The following SVIL variants were observed in gnomAD, a reference collection of about 807,000 sequenced individuals.
The protein encoded by SVIL is supervillin.
Under a neutral mutation model 240.4 loss-of-function variants are expected in SVIL, and 101 were observed. The observed-to-expected ratio is 0.42, with a 90% CI of 0.36 to 0.50. SVIL has a LOEUF of 0.50. Among genes scored for constraint, SVIL ranks in the 20% least tolerant of loss-of-function variants. The pLI, the probability that SVIL is intolerant of heterozygous loss-of-function variation, is 0.01. For missense variants in SVIL, 2,512 were observed against 2,818.7 expected (o/e 0.89, Z 2.46); for synonymous variants, 999 against 1,100.0 (o/e 0.91, Z 1.82).
At position 29,550,909 on chromosome 10, in the gene SVIL, G is replaced by A. The variant is rs755613062; in HGVS notation, c.515C>T (p.Thr172Met). ...DASSLYPGTE[T>M]MGLRTCAGES... ...ACCGGCACAGGTCCTGAGCCCCATC[G>A]TCTCGGTCCCGGGGTACAGAGAACT... Residue 172 changes from threonine to methionine, a missense_variant, in exon 6 of 38, where the codon ACG (threonine) becomes ATG (methionine). Coordinates refer to ENST00000355867, the MANE Select transcript of SVIL (RefSeq NM_021738.3). 35 of 1,614,040 alleles carry A rather than the reference G, an allele frequency of 2.2e-5. No homozygotes were observed. The highest frequency in any genetic ancestry group is 9.3e-5 in the African/African-American group (7 of 74,992).
chr10:29,519,494 C>T (rs2132518327), intron 16 of SVIL, among the ~76,000 whole-genome samples: 1 of 152,254 alleles, frequency 6.6e-6, no homozygotes, highest in Admixed American at 6.5e-5. Context: ...GAATAACATT[C>T]TTATTTTAAA....
At chr10:29,621,089 C>T (rs550005444) in intron 1 of SVIL, among the ~76,000 whole-genome samples, 1 of 152,040 alleles carries the variant, frequency 6.6e-6, no homozygotes, top group Non-Finnish European at 1.5e-5. Context: ...CAGGTGCACG[C>T]CCCACCCATC....
chr10:29,570,949 C>T (rs767695302), intron 1 of SVIL, among the ~76,000 whole-genome samples: 1 of 152,204 alleles, frequency 6.6e-6, no homozygotes, highest in Non-Finnish European at 1.5e-5. Context: ...AAGTGCATTT[C>T]GTATTTATCT....
chr10:29,494,770 AT>A (rs1948276489), intron 20 of SVIL, 143 bp downstream of exon 20: 10 of 771,200 alleles, frequency 1.3e-5, no homozygotes, highest in Non-Finnish European at 2.1e-5. Flanking sequence ...GGAGTCCCCA[AT>A]TTAGTACGTT....
chr10:29,554,526 C>T (rs1431315004), intron 5 of SVIL, among the ~76,000 whole-genome samples: 1 of 151,862 alleles, frequency 6.6e-6, no homozygotes, highest in Non-Finnish European at 1.5e-5. Context: ...TGGTGTAAGC[C>T]TGTAGTCCCA....
chr10:29,494,976 T>C lies in SVIL; in HGVS notation c.3779A>G (p.Gln1260Arg). Reference protein sequence around the residue: ...LEDIEARPDMQLESDLKLDRL... With the variant: ...LEDIEARPDMRLESDLKLDRL... The stretch of plus-strand genomic sequence containing the variant: ...GTCCAACTTCAGGTCCGATTCTAAC[T>C]GCATATCTGGTCTGGCTTCGATATC... The change falls in exon 20 of 38, where the codon CAG becomes CGG. Residue 1260 changes from glutamine (Q) to arginine (R), a missense_variant. Coordinates refer to ENST00000355867, the MANE Select transcript of SVIL (RefSeq NM_021738.3). 1 of 1,613,968 alleles carries C rather than the reference T, an allele frequency of 6.2e-7. No individual in the cohort carries two copies.
chr10:29,700,881 T>C (rs976334471), intron 1 of SVIL, among the ~76,000 whole-genome samples: 3 of 152,138 alleles, frequency 2.0e-5, no homozygotes, highest in African/African-American at 7.2e-5. Context: ...AAAAACAAGC[T>C]TGAGAAGCAC....
intron 1 of SVIL, among the ~76,000 whole-genome samples, chr10:29,729,562 G>A (rs1435043118): frequency 1.3e-5 from 2 of 151,066 alleles, no homozygotes; most frequent in Non-Finnish European, 2.9e-5. Flanking sequence ...TTGGCCGGGT[G>A]CGGTGGCTCA....
chr10:29,594,272 A>T (rs1020567579), intron 1 of SVIL, among the ~76,000 whole-genome samples: 1 of 82,898 alleles, frequency 1.2e-5, no homozygotes, highest in African/African-American at 5.0e-5. Flanking sequence ...AATAAAAAAA[A>T]ATTCTAAGAT....
chr10:29,704,695 T>C (rs1962768025), intron 1 of SVIL, among the ~76,000 whole-genome samples: 1 of 152,156 alleles, frequency 6.6e-6, no homozygotes. Flanking sequence ...ACCACGATCA[T>C]CATTTATTGG....
At chr10:29,681,476 A>G (rs1960649812) in intron 2 of SVIL, among the ~76,000 whole-genome samples, 1 of 146,858 alleles carries the variant, frequency 6.8e-6, no homozygotes, top group African/African-American at 2.5e-5. Flanking sequence ...AATGAGGAGG[A>G]GGAGGAGGAG....
At chr10:29,555,671 C>T (rs1473721146) in intron 3 of SVIL, among the ~76,000 whole-genome samples, 1 of 152,134 alleles carries the variant, frequency 6.6e-6, no homozygotes, top group South Asian at 2.1e-4. Flanking sequence ...AGCAAGCTTT[C>T]TCTAGGAAAG....
intron 1 of SVIL, among the ~76,000 whole-genome samples, chr10:29,591,906 C>T (rs1361929354): frequency 1.3e-5 from 2 of 152,222 alleles, no homozygotes; most frequent in Non-Finnish European, 2.9e-5. Context: ...TTTACCACTG[C>T]TAGTACCTTA....
At chr10:29,597,115 T>C (rs1208973664) in intron 1 of SVIL, among the ~76,000 whole-genome samples, 1 of 152,168 alleles carries the variant, frequency 6.6e-6, no homozygotes, top group Non-Finnish European at 1.5e-5. Context: ...CCTGTTAACA[T>C]TAAAAGTGTT....
chr10:29,672,351 G>T (rs894662457), intron 2 of SVIL, among the ~76,000 whole-genome samples: 1 of 152,082 alleles, frequency 6.6e-6, no homozygotes, highest in Non-Finnish European at 1.5e-5. Context: ...TAAAACCAAT[G>T]ATTTCTAAGA....
intron 1 of SVIL, among the ~76,000 whole-genome samples, chr10:29,617,321 T>C (rs1206996791): frequency 6.6e-6 from 1 of 152,208 alleles, no homozygotes; most frequent in African/African-American, 2.4e-5. Context: ...AGGCCCCTGG[T>C]CATTGCACAA....
chr10:29,529,923 C>G, intron 11 of SVIL, 79 bp from the exon 12 acceptor site: 2 of 1,430,220 alleles, frequency 1.4e-6, no homozygotes, highest in Non-Finnish European at 1.9e-6. Flanking sequence ...GTAATCCCAG[C>G]ACTTTGGGAG....
At chr10:29,491,737 G>C (rs75473141) in intron 21 of SVIL, among the ~76,000 whole-genome samples, 5 of 152,134 alleles carry the variant, frequency 3.3e-5, no homozygotes, top group Non-Finnish European at 5.9e-5. Flanking sequence ...GCGGGCCTCT[G>C]TGCCCAAAAG....
chr10:29,576,209 A>T, intron 1 of SVIL: 1 of 751,262 alleles, frequency 1.3e-6, no homozygotes, highest in Non-Finnish European at 1.6e-6. Context: ...AATGACAATC[A>T]GGGCCTTTCC....
Sources: gnomAD v4.1 joint callset for allele counts (sites outside exome capture counted in the v4.1 genomes callset) on GRCh38, gnomAD v4.1.1 for gene constraint, MANE v1.5 for transcripts, NCBI Gene and HGNC (gene_info 2026-07-23, HGNC 2026-07-21) for gene names.